FHIT: variants seen among roughly 807,000 people sequenced by gnomAD.
The protein encoded by FHIT is fragile histidine triad diadenosine triphosphatase, also known as bis(5'-adenosyl)-triphosphatase.
A neutral mutation model predicts 17.9 loss-of-function variants in FHIT; 19 were observed. That is an observed-to-expected ratio of 1.06 (90% CI 0.74 to 1.56). The LOEUF is 1.56. FHIT is among the 40% of genes most tolerant of loss of function. The pLI is 0.00. For missense variants in FHIT, 248 were observed against 189.2 expected (o/e 1.31, Z -1.82); for synonymous variants, 81 against 69.7 (o/e 1.16, Z -0.81).
At chr3:61,207,224 T>A (rs1371885527) in intron 1 of FHIT, among the ~76,000 whole-genome samples, 1 of 152,192 alleles carries the variant, frequency 6.6e-6, no homozygotes, top group African/African-American at 2.4e-5. Context: ...GGTTTGCCAG[T>A]ATTTTATTGA....
chr3:60,078,132 C>CA (rs1323203118), intron 5 of FHIT, among the ~76,000 whole-genome samples: 1 of 151,572 alleles, frequency 6.6e-6, no homozygotes, highest in African/African-American at 2.4e-5. Context: ...GTAGTGAATG[C>CA]AAAAAAAGAA....
At chr3:59,847,929 G>C (rs994342396) in intron 8 of FHIT, among the ~76,000 whole-genome samples, 5 of 152,140 alleles carry the variant, frequency 3.3e-5, no homozygotes, top group African/African-American at 1.2e-4. Context: ...CCCAAAAAGG[G>C]AAAGAAGAAA....
chr3:59,760,397 T>C (rs1701450059), intron 8 of FHIT, among the ~76,000 whole-genome samples: 1 of 152,194 alleles, frequency 6.6e-6, no homozygotes, highest in Admixed American at 6.5e-5. Context: ...GTCAAGCCGA[T>C]TGCCAAAGCG....
At chr3:60,354,063 C>T (rs536728531) in intron 5 of FHIT, among the ~76,000 whole-genome samples, 13 of 151,822 alleles carry the variant, frequency 8.6e-5, no homozygotes, top group African/African-American at 1.4e-4. Context: ...AAATGTCTCA[C>T]GATAAAAAAG....
At chr3:60,756,013 G>C (rs2042564452) in intron 4 of FHIT, among the ~76,000 whole-genome samples, 1 of 152,150 alleles carries the variant, frequency 6.6e-6, no homozygotes, top group Non-Finnish European at 1.5e-5. Context: ...GTCAAATCTT[G>C]TAAAAGCCAC....
intron 5 of FHIT, among the ~76,000 whole-genome samples, chr3:60,506,719 T>C (rs2034745902): frequency 6.6e-6 from 1 of 152,062 alleles, no homozygotes; most frequent in Non-Finnish European, 1.5e-5. Flanking sequence ...AGCAAAATGT[T>C]CCAGATAGGG....
intron 3 of FHIT, among the ~76,000 whole-genome samples, chr3:60,958,126 G>A (rs533193276): frequency 1.8e-4 from 27 of 152,266 alleles, no homozygotes; most frequent in African/African-American, 6.0e-4. Context: ...TCACATTGTT[G>A]TGGGGCTTTC....
At chr3:60,684,377 G>C (rs1483919815) in intron 4 of FHIT, among the ~76,000 whole-genome samples, 3 of 152,078 alleles carry the variant, frequency 2.0e-5, no homozygotes, top group Non-Finnish European at 2.9e-5. Flanking sequence ...ATTTGATGTG[G>C]ATACGTTTGC....
At chr3:60,165,449 T>C (rs114973858) in intron 5 of FHIT, among the ~76,000 whole-genome samples, 2,173 of 152,296 alleles carry the variant, frequency 0.014, 53 homozygotes, top group African/African-American at 0.047. Flanking sequence ...TGGGAGATAC[T>C]ATTCATGCCA....
chr3:60,053,972 G>T (rs1408946209), intron 5 of FHIT, among the ~76,000 whole-genome samples: 1 of 152,114 alleles, frequency 6.6e-6, no homozygotes, highest in African/African-American at 2.4e-5. Context: ...ATGTAAATCA[G>T]AAGCCATATA....
intron 5 of FHIT, among the ~76,000 whole-genome samples, chr3:60,383,024 G>GA (rs1700870291): frequency 6.6e-6 from 1 of 151,960 alleles, no homozygotes. Context: ...CATTCACTAG[G>GA]AAAAAACAAA....
chr3:60,354,458 T>A (rs73107062), intron 5 of FHIT, among the ~76,000 whole-genome samples: 20,368 of 152,036 alleles, frequency 0.13, 1,485 homozygotes, highest in Non-Finnish European at 0.16. Context: ...TATAAGATGA[T>A]TCTCGAAAAA....
chr3:60,527,867 G>A (rs947059576), intron 5 of FHIT, among the ~76,000 whole-genome samples: 7 of 152,192 alleles, frequency 4.6e-5, no homozygotes, highest in African/African-American at 1.7e-4. Flanking sequence ...AATGAACAAT[G>A]GAATGAGAAT....
intron 2 of FHIT, among the ~76,000 whole-genome samples, chr3:61,136,034 G>A (rs1455225758): frequency 1.3e-5 from 2 of 151,818 alleles, no homozygotes; most frequent in Non-Finnish European, 2.9e-5. Context: ...AATTTAAGGA[G>A]AATTTTGGCC....
intron 5 of FHIT, among the ~76,000 whole-genome samples, chr3:60,156,460 A>C (rs1700698891): frequency 1.3e-5 from 2 of 151,846 alleles, no homozygotes; most frequent in African/African-American, 4.8e-5. Context: ...TTAAAACAAA[A>C]CAAAATGACT....
chr3:60,012,942 C>T (rs1700197089), intron 6 of FHIT, among the ~76,000 whole-genome samples: 1 of 152,144 alleles, frequency 6.6e-6, no homozygotes, highest in Non-Finnish European at 1.5e-5. Flanking sequence ...CATTTAGTCT[C>T]TCCAGAAACA....
intron 5 of FHIT, among the ~76,000 whole-genome samples, chr3:60,077,773 G>A (rs187435691): frequency 6.9e-6 from 1 of 145,418 alleles, no homozygotes; most frequent in Non-Finnish European, 1.5e-5. Context: ...CATGTAGGAT[G>A]AACAAGTCTA....
intron 4 of FHIT, among the ~76,000 whole-genome samples, chr3:60,704,336 AT>A (rs1270061822): frequency 2.6e-5 from 4 of 152,170 alleles, no homozygotes; most frequent in African/African-American, 7.2e-5. Flanking sequence ...TAAAGCTTCT[AT>A]TTTTTTAGAT....
At chr3:60,481,203 A>T (rs914964204) in intron 5 of FHIT, among the ~76,000 whole-genome samples, 7 of 152,216 alleles carry the variant, frequency 4.6e-5, no homozygotes, top group Non-Finnish European at 8.8e-5. Flanking sequence ...AACTGATTGG[A>T]GTACCTGAAG....
Sources: gnomAD v4.1 joint callset for allele counts (sites outside exome capture counted in the v4.1 genomes callset) on GRCh38, gnomAD v4.1.1 for gene constraint, MANE v1.5 for transcripts, NCBI Gene and HGNC (gene_info 2026-07-23, HGNC 2026-07-21) for gene names.